KSR2: variants seen among roughly 807,000 people sequenced by gnomAD.
KSR2 encodes the protein kinase suppressor of ras 2.
Under a neutral mutation model 107.8 loss-of-function variants are expected in KSR2, and 25 were observed. The observed-to-expected ratio is 0.23, with a 90% CI of 0.17 to 0.32. The LOEUF is 0.32. Among genes scored for constraint, KSR2 ranks in the 10% least tolerant of loss-of-function variants. KSR2 has a pLI of 1.00. For synonymous variants in KSR2, 480 were observed against 507.0 expected, an observed-to-expected ratio of 0.95 and a Z score of 0.71; for missense variants, 887 against 1,268.9, an observed-to-expected ratio of 0.70 and a Z score of 4.57.
intron 4 of KSR2, among the ~76,000 whole-genome samples, chr12:117,733,297 A>G (rs1887803013): frequency 6.6e-6 from 1 of 152,050 alleles, no homozygotes; most frequent in Non-Finnish European, 1.5e-5. Flanking sequence ...AACCACTCTT[A>G]GTTAATATTT....
At chr12:117,763,579 G>A (rs1889124121) in intron 3 of KSR2, among the ~76,000 whole-genome samples, 1 of 152,156 alleles carries the variant, frequency 6.6e-6, no homozygotes, top group Non-Finnish European at 1.5e-5. Context: ...CATGAAGGTG[G>A]TGTTCACAAC....
chr12:117,870,151 G>A (rs1325654424), intron 1 of KSR2, among the ~76,000 whole-genome samples: 2 of 152,214 alleles, frequency 1.3e-5, no homozygotes, highest in African/African-American at 4.8e-5. Flanking sequence ...CAGGGGCAGA[G>A]AGAGGGCCTT....
At chr12:117,798,574 A>C (rs889343139) in intron 3 of KSR2, among the ~76,000 whole-genome samples, 1 of 152,118 alleles carries the variant, frequency 6.6e-6, no homozygotes, top group Non-Finnish European at 1.5e-5. Context: ...TGGAGGTTGC[A>C]GTAGGCTTAG....
At chr12:117,652,551 A>G (rs1337701099) in intron 5 of KSR2, among the ~76,000 whole-genome samples, 1 of 152,160 alleles carries the variant, frequency 6.6e-6, no homozygotes, top group Non-Finnish European at 1.5e-5. Flanking sequence ...CAGAACCAGA[A>G]CCCTTTGAAT....
At chr12:117,808,651 C>T (rs901743326) in intron 3 of KSR2, among the ~76,000 whole-genome samples, 2 of 152,152 alleles carry the variant, frequency 1.3e-5, no homozygotes, top group African/African-American at 4.8e-5. Flanking sequence ...AATTGCATCT[C>T]AATCTGAAGC....
chr12:117,845,978 C>A (rs1566046586), intron 3 of KSR2, among the ~76,000 whole-genome samples: 1 of 151,904 alleles, frequency 6.6e-6, no homozygotes, highest in Non-Finnish European at 1.5e-5. Flanking sequence ...GCGTGAACCA[C>A]CGCACCCACC....
At position 117,968,528 on chromosome 12, in the gene KSR2, A is replaced by G; in HGVS notation, c.-273T>C. The stretch of plus-strand genomic sequence containing the variant: ...AGTCTCTGGTCCCTGAAAAGGAGAG[A>G]TGCTGTTTCTCAGAAGCAAACCAGG... On this transcript the variant is annotated 5_prime_UTR_variant, in exon 1 of 20. Coordinates refer to ENST00000339824, the MANE Select transcript of KSR2 (RefSeq NM_173598.6). 1 of 1,220,426 alleles carries G rather than the reference A, an allele frequency of 8.2e-7. No homozygotes were observed. The highest frequency in any genetic ancestry group is 1.0e-6 in the Non-Finnish European group (1 of 982,298). The allele number at this position is 1,220,426 out of a possible 1,614,324, so 75.6% of individuals were successfully genotyped here.
intron 4 of KSR2, among the ~76,000 whole-genome samples, chr12:117,713,056 T>C (rs1341963960): frequency 6.7e-6 from 1 of 149,114 alleles, no homozygotes; most frequent in Non-Finnish European, 1.5e-5. Context: ...AATATATAAA[T>C]ATATATATAC....
chr12:117,608,595 A>G (rs1565924188), intron 5 of KSR2, among the ~76,000 whole-genome samples: 1 of 152,220 alleles, frequency 6.6e-6, no homozygotes, highest in Non-Finnish European at 1.5e-5. Flanking sequence ...ATAGGTGCCC[A>G]TGAAAATCCT....
intron 3 of KSR2, among the ~76,000 whole-genome samples, chr12:117,845,830 A>T (rs1892684454): frequency 6.6e-6 from 1 of 150,764 alleles, no homozygotes; most frequent in Admixed American, 6.6e-5. Flanking sequence ...ACAGGCACAC[A>T]CCACACCTAG....
At chr12:117,479,253 C>T (rs1871998840) in intron 16 of KSR2, among the ~76,000 whole-genome samples, 1 of 152,202 alleles carries the variant, frequency 6.6e-6, no homozygotes, top group South Asian at 2.1e-4. Flanking sequence ...CTGCGGCAAT[C>T]ACAACTCTTA....
chr12:117,683,862 C>G (rs1202960766), intron 4 of KSR2, among the ~76,000 whole-genome samples: 3 of 152,342 alleles, frequency 2.0e-5, no homozygotes, highest in South Asian at 4.1e-4. Flanking sequence ...GTCACTTGCT[C>G]TCTACTAAAA....
At chr12:117,751,402 A>G (rs557552600) in intron 4 of KSR2, among the ~76,000 whole-genome samples, 1 of 152,198 alleles carries the variant, frequency 6.6e-6, no homozygotes, top group African/African-American at 2.4e-5. Context: ...CCTCTTCTGC[A>G]TGAGAATTTA....
chr12:117,875,119 C>A (rs1457016536), intron 1 of KSR2, among the ~76,000 whole-genome samples: 1 of 152,076 alleles, frequency 6.6e-6, no homozygotes, highest in Non-Finnish European at 1.5e-5. Flanking sequence ...TCTGTATTAG[C>A]ATGGCGGTAA....
chr12:117,725,151 A>G (rs571106322), intron 4 of KSR2, among the ~76,000 whole-genome samples: 110 of 152,222 alleles, frequency 7.2e-4, no homozygotes, highest in African/African-American at 2.6e-3. Flanking sequence ...TAGACTGCAG[A>G]AAGGCACGAG....
At chr12:117,739,319 C>CA (rs1197087833) in intron 4 of KSR2, among the ~76,000 whole-genome samples, 2 of 152,184 alleles carry the variant, frequency 1.3e-5, no homozygotes, top group Non-Finnish European at 2.9e-5. Flanking sequence ...CGCGCCACTG[C>CA]ACTCCAGCCT....
At chr12:117,816,206 T>C (rs1281773201) in intron 3 of KSR2, among the ~76,000 whole-genome samples, 4 of 152,094 alleles carry the variant, frequency 2.6e-5, no homozygotes, top group Non-Finnish European at 5.9e-5. Context: ...ATGCACCTCC[T>C]CCAGGTTCTG....
At chr12:117,592,140 T>C (rs959111617) in intron 5 of KSR2, among the ~76,000 whole-genome samples, 9 of 151,258 alleles carry the variant, frequency 6.0e-5, no homozygotes, top group Non-Finnish European at 8.9e-5. Flanking sequence ...TTTTTTTAGA[T>C]GGAGTCTCAC....
intron 1 of KSR2, among the ~76,000 whole-genome samples, chr12:117,909,579 TC>T (rs1894954796): frequency 6.6e-6 from 1 of 152,164 alleles, no homozygotes; most frequent in African/African-American, 2.4e-5. Context: ...TTAAGTCATA[TC>T]TTTTTCCAAT....
Sources: gnomAD v4.1 joint callset for allele counts (sites outside exome capture counted in the v4.1 genomes callset) on GRCh38, gnomAD v4.1.1 for gene constraint, MANE v1.5 for transcripts, NCBI Gene and HGNC (gene_info 2026-07-23, HGNC 2026-07-21) for gene names.